The following SF3B3 variants were observed in gnomAD, a reference collection of about 807,000 sequenced individuals.
The protein encoded by SF3B3 is SAP 130.
SF3B3 carries 33 observed loss-of-function variants against 139.2 expected under a neutral mutation model. The observed-to-expected ratio is 0.24, with a 90% CI of 0.18 to 0.32. The LOEUF is 0.32. SF3B3 is among the 10% of genes least tolerant of loss of function. The pLI is 1.00. For missense variants in SF3B3, 818 were observed against 1,509.4 expected, an observed-to-expected ratio of 0.54 and a Z score of 7.59; for synonymous variants, 596 against 563.6, an observed-to-expected ratio of 1.06 and a Z score of -0.81.
At chr16:70,544,707 C>T (rs1179044108) in intron 10 of SF3B3, among the ~76,000 whole-genome samples, 174 bp downstream of exon 10, 2 of 152,208 alleles carry the variant, frequency 1.3e-5, no homozygotes, top group Non-Finnish European at 2.9e-5. Flanking sequence ...CTTTTTGTCT[C>T]CAAAACAGGG....
intron 11 of SF3B3, among the ~76,000 whole-genome samples, chr16:70,549,236 G>A (rs991152684): frequency 8.5e-5 from 13 of 152,204 alleles, no homozygotes; most frequent in African/African-American, 3.1e-4. Context: ...AATTCTGCCT[G>A]ATATTTAGAT....
chr16:70,542,630 C>T (rs1345079951), intron 9 of SF3B3, among the ~76,000 whole-genome samples: 1 of 152,088 alleles, frequency 6.6e-6, no homozygotes, highest in Non-Finnish European at 1.5e-5. Flanking sequence ...TTAAACCCAT[C>T]TGAAATTAAT....
chr16:70,528,458 C>T (rs1173419041), intron 2 of SF3B3, among the ~76,000 whole-genome samples: 5 of 132,236 alleles, frequency 3.8e-5, no homozygotes, highest in African/African-American at 5.8e-5. Flanking sequence ...AGCCACTGTG[C>T]GTGGCCTTTT....
chr16:70,554,726 G>T (rs2050363683), intron 12 of SF3B3, 129 bp downstream of exon 12: 1 of 919,254 alleles, frequency 1.1e-6, no homozygotes, highest in Admixed American at 2.7e-5. Flanking sequence ...GGGAACATAT[G>T]ATTTGGGCAC....
rs1597718727 is a variant in SF3B3 at position 70,555,225 on chromosome 16, C to G, written c.1710+19C>G. 1.2e-6 allele frequency: 2 copies of G among 1,608,314 alleles called. No homozygotes were observed. Among genetic ancestry groups the G allele is most frequent in the East Asian group, 2.2e-5 (1 of 44,838 alleles). Reference sequence around the variant, plus strand: ...GGATCCTGTATGTTATTTTATCATTCACTGTGGGACTTATTGTAGGGACCA... The same window carrying G: ...GGATCCTGTATGTTATTTTATCATTGACTGTGGGACTTATTGTAGGGACCA... On this transcript the variant is annotated intron_variant, in intron 13 of 25. Transcript: ENST00000302516.
chr16:70,571,605 C>A, intron 25 of SF3B3, 68 bp from the exon 26 acceptor site: 1 of 1,536,424 alleles, frequency 6.5e-7, no homozygotes, highest in Non-Finnish European at 8.8e-7. Context: ...ACAAGTGCTG[C>A]TTTAGCATGT....
intron 6 of SF3B3, among the ~76,000 whole-genome samples, chr16:70,536,069 T>G (rs2050162851): frequency 1.3e-5 from 2 of 152,180 alleles, no homozygotes; most frequent in Non-Finnish European, 1.5e-5. Context: ...AGTTACCTTA[T>G]GTATAGTTTA....
Position 70,571,075 on chromosome 16 carries a change from T to C in SF3B3, c.3409-20T>C. 1 of 1,583,042 alleles carries C rather than the reference T, an allele frequency of 6.3e-7. No homozygotes were observed. Among genetic ancestry groups the C allele is most frequent in the Non-Finnish European group, 8.7e-7 (1 of 1,151,826 alleles). On this transcript the variant is annotated intron_variant, in intron 24 of 25. Transcript: ENST00000302516. The stretch of plus-strand genomic sequence containing the variant: ...GTTGAAATCACTTCTCAGTGACAGA[T>C]TTTTTGTTTCTTCTGCCAGGACCAT...
rs117084033 is a variant in SF3B3 at position 70,550,524 on chromosome 16, C to T, written c.1402+2082C>T. On this transcript the variant is annotated intron_variant, in intron 11 of 25. Transcript: ENST00000302516. ...TTGGTTCACTCACTTTCCAGATACC[C>T]GAAGTTACTATTGAGTGAACATTCC... 7.7e-3 allele frequency: 2,213 copies of T among 286,814 alleles called. 14 individuals are homozygous for T. The highest frequency in any genetic ancestry group is 0.016 in the South Asian group (118 of 7,294). The allele number at this position is 286,814 out of a possible 1,614,324, so 17.8% of individuals were successfully genotyped here. A position where few individuals can be genotyped will look rare whatever the true frequency, so the allele number is the denominator to read the frequency against.
chr16:70,530,743 A>G lies in SF3B3; in HGVS notation c.398-2A>G. On this transcript the variant is annotated splice_acceptor_variant, in intron 3 of 25. Coordinates refer to ENST00000302516, the MANE Select transcript of SF3B3 (RefSeq NM_012426.5). LOFTEE classifies it high-confidence loss of function. The stretch of plus-strand genomic sequence containing the variant: ...TGTATGTTTTATCTCCTTCAACTAC[A>G]GGTGCCATTGAGAAACAGAAATTGG... 1 of 1,609,942 alleles carries G rather than the reference A, an allele frequency of 6.2e-7. No individual in the cohort carries two copies. The highest frequency in any genetic ancestry group is 8.5e-7 in the Non-Finnish European group (1 of 1,178,206).
intron 18 of SF3B3, among the ~76,000 whole-genome samples, 166 bp from the exon 19 acceptor site, chr16:70,564,899 T>A (rs2151793464): frequency 6.6e-6 from 1 of 152,374 alleles, no homozygotes; most frequent in South Asian, 2.1e-4. Context: ...CCCTAGTCTG[T>A]ACACCTCTCC....
In SF3B3 at chr16:70,571,656, C is replaced by A; in HGVS notation, c.3514-17C>A. ...CATCTCACCATTTTTTTTCTTTCTG[C>A]TTTCTCCATATCTTAGAATGTGATT... is the stretch of plus-strand genomic sequence containing the variant. On this transcript the variant is annotated splice_polypyrimidine_tract_variant and intron_variant, in intron 25 of 25. Transcript: ENST00000302516. 1 of 1,594,456 alleles carries A rather than the reference C, an allele frequency of 6.3e-7. No homozygotes were observed.
rs781248378 is a variant in SF3B3, at chr16:70,529,216, A to C, written c.397+17A>C. ...TTATGATTAGTAAGTGATTTACTCT[A>C]CTTGCTGTATATGCCTAGTTTAGGA... is the stretch of plus-strand genomic sequence containing the variant. On this transcript the variant is annotated intron_variant, in intron 3 of 25. Transcript: ENST00000302516. 10 of 1,598,608 alleles carry C rather than the reference A, an allele frequency of 6.3e-6. No homozygotes were observed. Among genetic ancestry groups the C allele is most frequent in the South Asian group, 2.2e-5 (2 of 89,978 alleles).
chr16:70,554,028 G>C (rs2050356484), intron 11 of SF3B3: 1 of 155,180 alleles, frequency 6.4e-6, no homozygotes, highest in African/African-American at 2.4e-5. Flanking sequence ...TACATAAGCT[G>C]CTTTTGGAAG....
Position 70,545,574 on chromosome 16 carries a change from A to AT in SF3B3, c.1329+1041_1329+1042insT, listed in dbSNP as rs537483918. Reference sequence around the variant, plus strand: ...ACTTGAACTTGTTAGGAATAAAATAAAAAGCTTCCTATAACAGTTTGTTTT... The same window carrying AT: ...ACTTGAACTTGTTAGGAATAAAATAATAAAGCTTCCTATAACAGTTTGTTTT... On this transcript the variant is annotated intron_variant, in intron 10 of 25. Transcript: ENST00000302516. Among the ~76,000 whole-genome samples the AT allele has an allele frequency of 9.2e-5, 14 of 152,326 alleles. No homozygotes were observed. The East Asian group carries it at 2.7e-3, about 29-fold the overall frequency.
In SF3B3 at chr16:70,557,026, A is replaced by G. The variant is rs1567420732; in HGVS notation, c.2007A>G (p.Leu669=). ...GCTTCCTATACCTGAATATTGGGCTACAGGTAAGAGATCCAGAGGCCCACA... is the reference window on the plus strand; with the variant it reads ...GCTTCCTATACCTGAATATTGGGCTGCAGGTAAGAGATCCAGAGGCCCACA... ...SIGFLYLNIG[L]QNGVLLRTVL... Residue 669 remains leucine (L), a synonymous_variant, in exon 15 of 26, where the codon CTA becomes CTG. Coordinates refer to ENST00000302516, the MANE Select transcript of SF3B3 (RefSeq NM_012426.5). 6.2e-7 allele frequency: 1 copy of G among 1,607,498 alleles called. No homozygotes were observed. Among genetic ancestry groups the G allele is most frequent in the Non-Finnish European group, 8.5e-7 (1 of 1,177,448 alleles).
intron 2 of SF3B3, 24 bp from the exon 3 acceptor site, chr16:70,528,849 G>A (rs2050092917): frequency 6.4e-7 from 1 of 1,570,810 alleles, no homozygotes; most frequent in African/African-American, 1.4e-5. Flanking sequence ...GGTTGTTTAT[G>A]ATCTTTATTT....
chr16:70,536,683 G>C (rs114849110), intron 6 of SF3B3, among the ~76,000 whole-genome samples: 4,842 of 151,622 alleles, frequency 0.032, 286 homozygotes, highest in African/African-American at 0.11. Flanking sequence ...AATAGAGACG[G>C]GGTTTGCCAT....
chr16:70,554,918 C>A, intron 12 of SF3B3, 133 bp from the exon 13 acceptor site: 3 of 838,312 alleles, frequency 3.6e-6, no homozygotes, highest in Non-Finnish European at 5.5e-6. Context: ...ACTCTTTTGT[C>A]TTTGATTCAA....
Sources: gnomAD v4.1 joint callset for allele counts (sites outside exome capture counted in the v4.1 genomes callset) on GRCh38, gnomAD v4.1.1 for gene constraint, MANE v1.5 for transcripts, NCBI Gene and HGNC (gene_info 2026-07-23, HGNC 2026-07-21) for gene names.